ROBO2: variants seen among roughly 807,000 people sequenced by gnomAD.
The protein encoded by ROBO2 is roundabout guidance receptor 2, also known as roundabout homolog 2.
Under a neutral mutation model 160.8 loss-of-function variants are expected in ROBO2, and 53 were observed. The observed-to-expected ratio is 0.33, with a 90% CI of 0.26 to 0.41. The LOEUF (loss-of-function observed/expected upper bound fraction) is 0.41. ROBO2 is among the 10% of genes least tolerant of loss of function. ROBO2 has a pLI of 1.00. For missense variants in ROBO2, 1,577 were observed against 1,722.4 expected, an observed-to-expected ratio of 0.92 and a Z score of 1.49; for synonymous variants, 664 against 611.7, an observed-to-expected ratio of 1.09 and a Z score of -1.26.
chr3:77,048,965 T>A (rs2064956214), intron 1 of ROBO2, among the ~76,000 whole-genome samples: 1 of 152,172 alleles, frequency 6.6e-6, no homozygotes, highest in African/African-American at 2.4e-5. Context: ...AACCTTAGGT[T>A]TTATTATCCC....
intron 2 of ROBO2, among the ~76,000 whole-genome samples, chr3:77,349,906 T>C (rs1265787534): frequency 6.6e-6 from 1 of 152,028 alleles, no homozygotes; most frequent in African/African-American, 2.4e-5. Flanking sequence ...AAAAATCCCT[T>C]CTAATATGTA....
chr3:77,363,316 A>G (rs2070329554), intron 2 of ROBO2, among the ~76,000 whole-genome samples: 3 of 152,186 alleles, frequency 2.0e-5, no homozygotes, highest in South Asian at 2.1e-4. Context: ...TGAAGGCACC[A>G]TTTATAAACC....
rs1209373787 is a variant in ROBO2 at position 76,948,649 on chromosome 3, C to G, written c.110-149365C>G. 2.4e-5 allele frequency among the ~76,000 whole-genome samples: 3 copies of G among 126,826 alleles called. No homozygotes were observed. The East Asian group carries it at 7.0e-4, about 29-fold the overall frequency. The allele number at this position is 126,826 out of a possible 152,430, so 83.2% of individuals were successfully genotyped here. Reference sequence around the variant, plus strand: ...TCACCCAGGCTGGATTTTGTGACTTCCCTTTTTAGTTGTACTTAATCTGAT... The same window carrying G: ...TCACCCAGGCTGGATTTTGTGACTTGCCTTTTTAGTTGTACTTAATCTGAT... On this transcript the variant is annotated intron_variant, in intron 2 of 26. Coordinates refer to the ROBO2 transcript ENST00000487694.
intron 2 of ROBO2, among the ~76,000 whole-genome samples, chr3:76,010,044 G>GA (rs2107606805): frequency 6.6e-6 from 1 of 152,214 alleles, no homozygotes; most frequent in African/African-American, 2.4e-5. Context: ...AAAGCACATT[G>GA]AAAGTGGAAT....
intron 2 of ROBO2, among the ~76,000 whole-genome samples, chr3:76,337,885 T>G (rs2073990213): frequency 6.6e-6 from 1 of 152,142 alleles, no homozygotes; most frequent in Admixed American, 6.5e-5. Context: ...TTGATGAGGT[T>G]TTGGGCTCCA....
At chr3:76,979,302 G>A (rs2059971497) in intron 2 of ROBO2, among the ~76,000 whole-genome samples, 1 of 151,988 alleles carries the variant, frequency 6.6e-6, no homozygotes, top group Non-Finnish European at 1.5e-5. Flanking sequence ...GGCTTTTAGT[G>A]TAACCAGCAT....
intron 2 of ROBO2, among the ~76,000 whole-genome samples, chr3:76,365,363 G>A (rs377389428): frequency 1.4e-4 from 21 of 152,024 alleles, no homozygotes; most frequent in African/African-American, 4.8e-4. Context: ...TCTTTCCTCT[G>A]AGCCTTTAAT....
At chr3:77,337,353 A>G (rs2066595824) in intron 2 of ROBO2, among the ~76,000 whole-genome samples, 1 of 152,172 alleles carries the variant, frequency 6.6e-6, no homozygotes, top group African/African-American at 2.4e-5. Context: ...CCTCAAGATT[A>G]GCCCCCAAAA....
chr3:77,059,670 A>G (rs982379742), intron 1 of ROBO2, among the ~76,000 whole-genome samples: 2 of 152,006 alleles, frequency 1.3e-5, no homozygotes, highest in African/African-American at 4.8e-5. Context: ...TCCCAATTAC[A>G]ATTTTTTTTA....
At chr3:76,673,186 C>T (rs1249800909) in intron 2 of ROBO2, among the ~76,000 whole-genome samples, 1 of 150,156 alleles carries the variant, frequency 6.7e-6, no homozygotes, top group Non-Finnish European at 1.5e-5. Context: ...TCTCCAGTAA[C>T]CCTATACAAG....
At chr3:76,031,348 C>A (rs1348274053) in intron 2 of ROBO2, among the ~76,000 whole-genome samples, 2 of 152,094 alleles carry the variant, frequency 1.3e-5, no homozygotes, top group East Asian at 3.9e-4. Flanking sequence ...ATTGAATACC[C>A]TTTATTTCTT....
intron 2 of ROBO2, among the ~76,000 whole-genome samples, chr3:76,205,950 T>G (rs1314069253): frequency 6.6e-6 from 1 of 152,150 alleles, no homozygotes; most frequent in Non-Finnish European, 1.5e-5. Flanking sequence ...GTTCAACTTT[T>G]TACTAGTCCA....
intron 2 of ROBO2, among the ~76,000 whole-genome samples, chr3:77,126,782 C>CTTTT (rs11365042): frequency 7.3e-3 from 459 of 62,648 alleles, no homozygotes; most frequent in East Asian, 0.014. Flanking sequence ...TTTGAAACTT[C>CTTTT]TTTTTTTTTT....
chr3:77,623,444 A>G (rs2094940864), intron 23 of ROBO2, among the ~76,000 whole-genome samples: 1 of 152,202 alleles, frequency 6.6e-6, no homozygotes, highest in Non-Finnish European at 1.5e-5. Context: ...AGAGTTCTAC[A>G]AACACTGATG....
chr3:76,330,350 CT>C (rs554017950), intron 2 of ROBO2, among the ~76,000 whole-genome samples: 3 of 152,096 alleles, frequency 2.0e-5, no homozygotes, highest in African/African-American at 4.8e-5. Flanking sequence ...GGAAATAAGT[CT>C]TTTTTGCACC....
chr3:76,880,163 C>G (rs1243422912), intron 2 of ROBO2, among the ~76,000 whole-genome samples: 2 of 152,024 alleles, frequency 1.3e-5, no homozygotes, highest in African/African-American at 4.8e-5. Flanking sequence ...CCTTTAATGT[C>G]TCCCTTTTTC....
intron 2 of ROBO2, among the ~76,000 whole-genome samples, chr3:77,249,576 T>G (rs937695813): frequency 6.6e-6 from 1 of 152,098 alleles, no homozygotes; most frequent in Non-Finnish European, 1.5e-5. Context: ...AATACTCCCA[T>G]CCATCACTTT....
chr3:75,953,610 T>C (rs6773162), intron 2 of ROBO2, among the ~76,000 whole-genome samples: 67,489 of 151,518 alleles, frequency 0.45, 15,061 homozygotes, highest in Non-Finnish European at 0.47. Context: ...TCTAACCCAA[T>C]AAATCAGAAA....
chr3:76,105,065 T>TC (rs1202794066), intron 2 of ROBO2, among the ~76,000 whole-genome samples: 1 of 152,100 alleles, frequency 6.6e-6, no homozygotes, highest in East Asian at 1.9e-4. Flanking sequence ...TTTAGGTGGG[T>TC]CATAAGCTCT....
Sources: allele counts gnomAD v4.1 joint callset (sites outside exome capture counted in the v4.1 genomes callset), GRCh38; gene constraint gnomAD v4.1.1; transcripts MANE v1.5; gene names NCBI Gene and HGNC (gene_info 2026-07-23, HGNC 2026-07-21).